Variants in TTLL5 observed in about 807,000 individuals in gnomAD.
The protein encoded by TTLL5 is tubulin tyrosine ligase like 5.
A neutral mutation model predicts 168.4 loss-of-function variants in TTLL5; 132 were observed. That is an observed-to-expected ratio of 0.78 (90% CI 0.68 to 0.91). The LOEUF is 0.91. TTLL5 is among the 40% of genes least tolerant of loss of function. TTLL5 has a pLI of 0.00. For synonymous variants in TTLL5, 546 were observed against 558.6 expected (o/e 0.98, Z 0.32); for missense variants, 1,545 against 1,581.5 (o/e 0.98, Z 0.39).
chr14:75,772,516 T>C (rs970552405), intron 21 of TTLL5, among the ~76,000 whole-genome samples: 3 of 152,180 alleles, frequency 2.0e-5, no homozygotes, highest in African/African-American at 7.2e-5. Flanking sequence ...GAATCAAACT[T>C]GTATAATCAT....
intron 31 of TTLL5, among the ~76,000 whole-genome samples, chr14:75,927,011 T>C (rs2034094764): frequency 6.6e-6 from 1 of 152,224 alleles, no homozygotes; most frequent in African/African-American, 2.4e-5. Flanking sequence ...GGGGAGTGAC[T>C]GCTAATGGCA....
At chr14:75,707,109 G>T in intron 8 of TTLL5, 22 bp downstream of exon 8, 2 of 1,601,116 alleles carry the variant, frequency 1.2e-6, no homozygotes, top group South Asian at 2.2e-5. Context: ...TTAGGCCCTT[G>T]ACCAAATTGG....
intron 28 of TTLL5, among the ~76,000 whole-genome samples, chr14:75,836,248 T>C (rs767444204): frequency 3.9e-5 from 6 of 152,156 alleles, no homozygotes; most frequent in Non-Finnish European, 7.4e-5. Context: ...AACAACATGA[T>C]GGAACTGGAG....
chr14:75,689,489 C>T (rs1032451339), intron 5 of TTLL5: 6 of 152,174 alleles, frequency 3.9e-5, no homozygotes, highest in African/African-American at 9.7e-5. Context: ...TAAAAACTTA[C>T]GTTTACAGTA....
At chr14:75,932,161 C>A (rs1048035693) in intron 31 of TTLL5, among the ~76,000 whole-genome samples, 7 of 152,162 alleles carry the variant, frequency 4.6e-5, no homozygotes, top group African/African-American at 1.4e-4. Context: ...TTCTGTACTT[C>A]TTGTGTCCTT....
At chr14:75,701,331 T>A (rs1328403640) in intron 7 of TTLL5, among the ~76,000 whole-genome samples, 1 of 152,212 alleles carries the variant, frequency 6.6e-6, no homozygotes, top group African/African-American at 2.4e-5. Flanking sequence ...TTTCTCAGCT[T>A]TGATGATCCT....
At position 75,772,401 on chromosome 14, in the gene TTLL5, T is replaced by C. The variant is rs561090766; in HGVS notation, c.2136+547T>C. Reference sequence around the variant, plus strand: ...CTGTCCTGAGGAGTCAAATTAGCTCTTTGAAAGTCATCACCTTATCATAGG... The same window carrying C: ...CTGTCCTGAGGAGTCAAATTAGCTCCTTGAAAGTCATCACCTTATCATAGG... On this transcript the variant is annotated intron_variant, in intron 21 of 31. Coordinates refer to ENST00000298832, the MANE Select transcript of TTLL5 (RefSeq NM_015072.5). Among the ~76,000 whole-genome samples the C allele has an allele frequency of 3.3e-5, 5 of 152,360 alleles. No homozygotes were observed. In the South Asian group the frequency reaches 1.0e-3, roughly 32 times the overall value.
chr14:75,679,848 A>G (rs1034440338), intron 3 of TTLL5, among the ~76,000 whole-genome samples: 1 of 152,222 alleles, frequency 6.6e-6, no homozygotes, highest in African/African-American at 2.4e-5. Context: ...TTGGCTTTGA[A>G]AGTTTGCCCA....
intron 31 of TTLL5, among the ~76,000 whole-genome samples, chr14:75,908,111 C>CA (rs2033219795): frequency 1.3e-5 from 2 of 152,244 alleles, no homozygotes; most frequent in African/African-American, 4.8e-5. Context: ...CAGATACAGC[C>CA]ATGCTGAGCC....
At chr14:75,856,648 A>G (rs1041316543) in intron 28 of TTLL5, among the ~76,000 whole-genome samples, 2 of 126,564 alleles carry the variant, frequency 1.6e-5, no homozygotes, top group African/African-American at 6.1e-5. Flanking sequence ...TTTTTTTGAG[A>G]CAGAGTCTCT....
chr14:75,699,391 A>G, intron 7 of TTLL5, 121 bp downstream of exon 7: 1 of 897,076 alleles, frequency 1.1e-6, no homozygotes, highest in Non-Finnish European at 1.8e-6. Context: ...TTAAATCTGC[A>G]TTCAGAAGTG....
chr14:75,926,628 C>G (rs1461046909), intron 31 of TTLL5, among the ~76,000 whole-genome samples: 1 of 152,134 alleles, frequency 6.6e-6, no homozygotes, highest in Non-Finnish European at 1.5e-5. Flanking sequence ...CATCACACCA[C>G]TAGGATGACT....
chr14:75,897,087 T>C (rs1023030812), intron 30 of TTLL5, among the ~76,000 whole-genome samples: 4 of 152,190 alleles, frequency 2.6e-5, no homozygotes, highest in African/African-American at 9.7e-5. Context: ...TATTTGTTTT[T>C]AATGCATCTT....
At chr14:75,706,845 T>C (rs370817606) in intron 7 of TTLL5, among the ~76,000 whole-genome samples, 173 bp from the exon 8 acceptor site, 4 of 152,114 alleles carry the variant, frequency 2.6e-5, no homozygotes, top group Non-Finnish European at 4.4e-5. Context: ...TATAGTGTTA[T>C]AGAAGTGATA....
At chr14:75,672,525 G>T (rs1883830590) in intron 3 of TTLL5, among the ~76,000 whole-genome samples, 1 of 152,070 alleles carries the variant, frequency 6.6e-6, no homozygotes, top group Non-Finnish European at 1.5e-5. Context: ...TTATAGGCAT[G>T]AGCCACCACG....
intron 18 of TTLL5, among the ~76,000 whole-genome samples, chr14:75,755,180 G>T (rs988690646): frequency 6.6e-6 from 1 of 151,880 alleles, no homozygotes; most frequent in Non-Finnish European, 1.5e-5. Context: ...CAGGAGAATC[G>T]CTTGAACCTG....
In TTLL5 at chr14:75,770,328, ATCT is replaced by A. The variant is rs1300245936; in HGVS notation, c.2016-1402_2016-1400del. Among the ~76,000 whole-genome samples the A allele has an allele frequency of 3.3e-5, 5 of 152,186 alleles. No individual in the cohort carries two copies. In the East Asian group the frequency reaches 9.7e-4, roughly 29 times the overall value. ...TTATGTATTAAACTCTCAAAAGCAA[ATCT>A]TCTCCCCAGCCTGACTCCCTTGCCC... On this transcript the variant is annotated intron_variant, in intron 20 of 31. Coordinates refer to ENST00000298832, the MANE Select transcript of TTLL5 (RefSeq NM_015072.5).
intron 28 of TTLL5, among the ~76,000 whole-genome samples, chr14:75,831,203 A>G (rs1895540674): frequency 6.6e-6 from 1 of 152,164 alleles, no homozygotes; most frequent in Admixed American, 6.5e-5. Flanking sequence ...GTTTCTAAGA[A>G]AGGTACATTG....
chr14:75,923,421 G>T (rs1418674868), intron 31 of TTLL5, among the ~76,000 whole-genome samples: 6 of 152,006 alleles, frequency 3.9e-5, no homozygotes, highest in Non-Finnish European at 7.4e-5. Flanking sequence ...CTTTGTTCTC[G>T]TTGGTTTCAA....
Sources: gnomAD v4.1 joint callset for allele counts (sites outside exome capture counted in the v4.1 genomes callset) on GRCh38, gnomAD v4.1.1 for gene constraint, MANE v1.5 for transcripts, NCBI Gene and HGNC (gene_info 2026-07-23, HGNC 2026-07-21) for gene names.